ARRB1: variants seen among roughly 807,000 people sequenced by gnomAD.
The protein encoded by ARRB1 is arrestin beta 1, also known as beta-arrestin-1.
In ARRB1, 21 loss-of-function variants were observed where a neutral mutation model predicts 56.8. The observed-to-expected ratio is 0.37, with a 90% confidence interval of 0.26 to 0.53. The LOEUF (loss-of-function observed/expected upper bound fraction) is 0.53. Ranked by LOEUF, ARRB1 falls within the 20% of genes least tolerant of loss-of-function variation. ARRB1 has a pLI of 0.88. For synonymous variants in ARRB1, 210 were observed against 218.6 expected (o/e 0.96, Z 0.35); for missense variants, 424 against 553.7 (o/e 0.77, Z 2.35).
intron 5 of ARRB1, among the ~76,000 whole-genome samples, chr11:75,282,626 G>A (rs1946375387): frequency 6.6e-6 from 1 of 152,228 alleles, no homozygotes; most frequent in Admixed American, 6.5e-5. Flanking sequence ...AGCCCACTGA[G>A]ACCTGTTTTG....
At chr11:75,351,104 G>A (rs943336052) in intron 1 of ARRB1, among the ~76,000 whole-genome samples, 1 of 152,364 alleles carries the variant, frequency 6.6e-6, no homozygotes, top group Non-Finnish European at 1.5e-5. Context: ...GTGCCAGCAC[G>A]AGGGTGTGCT....
intron 1 of ARRB1, among the ~76,000 whole-genome samples, chr11:75,338,681 T>C (rs1164633029): frequency 6.6e-6 from 1 of 152,248 alleles, no homozygotes; most frequent in Non-Finnish European, 1.5e-5. Context: ...AGTGAATCAC[T>C]GCTGTACTGA....
intron 4 of ARRB1, among the ~76,000 whole-genome samples, 178 bp from the exon 5 acceptor site, chr11:75,283,661 C>T (rs1946405044): frequency 6.6e-6 from 1 of 152,216 alleles, no homozygotes; most frequent in South Asian, 2.1e-4. Flanking sequence ...GGAAGGATGC[C>T]ATGGCCTGGC....
At chr11:75,289,346 C>A (rs1946552358) in intron 2 of ARRB1, among the ~76,000 whole-genome samples, 1 of 152,214 alleles carries the variant, frequency 6.6e-6, no homozygotes, top group Non-Finnish European at 1.5e-5. Context: ...CTCCTAGAAG[C>A]TGCCGCTGCC....
chr11:75,350,393 C>T (rs1047287247), intron 1 of ARRB1, among the ~76,000 whole-genome samples: 2 of 151,980 alleles, frequency 1.3e-5, no homozygotes, highest in East Asian at 1.9e-4. Flanking sequence ...AGGCAGAAGT[C>T]GGACACAAGA....
At chr11:75,281,292 G>T (rs531101661) in intron 6 of ARRB1, 150 bp from the exon 7 acceptor site, 7 of 759,922 alleles carry the variant, frequency 9.2e-6, no homozygotes, top group Non-Finnish European at 1.3e-5. Context: ...AGAAGCGGGG[G>T]AACGCCCTTG....
chr11:75,276,926 G>A lies in ARRB1; in HGVS notation c.704-15C>T, dbSNP rs1030585791. Reference sequence around the variant, plus strand: ...ATACTGGCGCACTAGGGAGGGAGAGGAATCAAGGTGGAGTGAGTCGGGAAT... The same window carrying A: ...ATACTGGCGCACTAGGGAGGGAGAGAAATCAAGGTGGAGTGAGTCGGGAAT... On this transcript the variant is annotated splice_polypyrimidine_tract_variant and intron_variant, in intron 9 of 15. Coordinates refer to ENST00000420843, the MANE Select transcript of ARRB1 (RefSeq NM_004041.5). 5.0e-6 allele frequency: 8 copies of A among 1,613,688 alleles called. No homozygotes were observed. Among genetic ancestry groups the A allele is most frequent in the Non-Finnish European group, 6.8e-6 (8 of 1,179,626 alleles).
chr11:75,272,835 T>TG, intron 12 of ARRB1, 60 bp downstream of exon 12: 1 of 1,558,916 alleles, frequency 6.4e-7, no homozygotes, highest in Non-Finnish European at 8.8e-7. Flanking sequence ...CAGGGGCCTG[T>TG]GGGCACCTGG....
chr11:75,299,416 T>C (rs890463421), intron 1 of ARRB1, among the ~76,000 whole-genome samples: 1 of 151,022 alleles, frequency 6.6e-6, no homozygotes, highest in African/African-American at 2.4e-5. Flanking sequence ...TAACAAGATA[T>C]GTCTCAAGTC....
chr11:75,284,798 G>T (rs886090518), intron 3 of ARRB1, among the ~76,000 whole-genome samples: 1 of 152,136 alleles, frequency 6.6e-6, no homozygotes, highest in African/African-American at 2.4e-5. Flanking sequence ...AGCTACTCGG[G>T]AGACTGAAGC....
chr11:75,269,176 C>G (rs560755630), intron 13 of ARRB1: 10 of 737,116 alleles, frequency 1.4e-5, no homozygotes, highest in Non-Finnish European at 2.2e-5. Flanking sequence ...GAAATGGAAG[C>G]CTCCTCTTTC....
At position 75,299,821 on chromosome 11, in the gene ARRB1, T is replaced by C. The variant is rs771299120; in HGVS notation, c.21-9782A>G. Among the ~76,000 whole-genome samples the C allele has an allele frequency of 3.2e-4, 49 of 152,190 alleles. 1 individual carries two copies. The highest frequency in any genetic ancestry group is 2.9e-5 in the Non-Finnish European group (2 of 68,032). ...GGGGCATAGCATGGTACCTAGGATA[T>C]AGTAGGTGCTCAATAAATAAATATA... On this transcript the variant is annotated intron_variant, in intron 1 of 15. Coordinates refer to ENST00000420843, the MANE Select transcript of ARRB1 (RefSeq NM_004041.5).
chr11:75,313,212 G>A (rs1322654538), intron 1 of ARRB1, among the ~76,000 whole-genome samples: 1 of 152,160 alleles, frequency 6.6e-6, no homozygotes, highest in Non-Finnish European at 1.5e-5. Context: ...AATTACGGGC[G>A]TGGTGGCTCT....
chr11:75,329,548 G>C (rs1440575162), intron 1 of ARRB1, among the ~76,000 whole-genome samples: 1 of 152,156 alleles, frequency 6.6e-6, no homozygotes, highest in East Asian at 1.9e-4. Flanking sequence ...CACTCAAGCT[G>C]TCTCTTTGTG....
chr11:75,345,862 GA>G (rs1565149750), intron 1 of ARRB1, among the ~76,000 whole-genome samples: 1 of 152,120 alleles, frequency 6.6e-6, no homozygotes. Context: ...GGCAAGAAGG[GA>G]AAAAAATTTT....
intron 1 of ARRB1, among the ~76,000 whole-genome samples, chr11:75,319,072 G>A (rs537365940): frequency 7.9e-5 from 12 of 152,226 alleles, no homozygotes; most frequent in South Asian, 4.2e-4. Context: ...AATTTACCCC[G>A]GGTCCCAGCC....
intron 1 of ARRB1, among the ~76,000 whole-genome samples, chr11:75,304,732 C>T (rs1024913857): frequency 6.6e-6 from 1 of 151,526 alleles, no homozygotes; most frequent in Non-Finnish European, 1.5e-5. Flanking sequence ...CCAAACCCCC[C>T]GCAAAGGATC....
At chr11:75,283,186 G>T in intron 5 of ARRB1, 101 bp downstream of exon 5, 1 of 1,241,032 alleles carries the variant, frequency 8.1e-7, no homozygotes, top group Non-Finnish European at 1.1e-6. Context: ...AAACTGGGTG[G>T]CAGGGAGCAG....
At chr11:75,313,323 C>A (rs1450191660) in intron 1 of ARRB1, among the ~76,000 whole-genome samples, 1 of 152,152 alleles carries the variant, frequency 6.6e-6, no homozygotes, top group African/African-American at 2.4e-5. Context: ...TTCACTCCAG[C>A]CTGCGTGACA....
Sources: allele counts gnomAD v4.1 joint callset (sites outside exome capture counted in the v4.1 genomes callset), GRCh38; gene constraint gnomAD v4.1.1; transcripts MANE v1.5; gene names NCBI Gene and HGNC (gene_info 2026-07-23, HGNC 2026-07-21).